CACNA1C: variants seen among roughly 807,000 people sequenced by gnomAD.
CACNA1C encodes voltage-dependent L-type calcium channel subunit alpha-1C.
CACNA1C carries 30 observed loss-of-function variants against 229.0 expected under a neutral mutation model. That is an observed-to-expected ratio of 0.13 (90% CI 0.10 to 0.18). The LOEUF (loss-of-function observed/expected upper bound fraction) is 0.18. Ranked by LOEUF, CACNA1C falls within the 10% of genes least tolerant of loss-of-function variation. The pLI is 1.00. For synonymous variants in CACNA1C, 1,114 were observed against 1,132.5 expected, an observed-to-expected ratio of 0.98 and a Z score of 0.33; for missense variants, 1,658 against 2,845.0, an observed-to-expected ratio of 0.58 and a Z score of 9.49.
intron 3 of CACNA1C, among the ~76,000 whole-genome samples, chr12:2,254,510 T>A (rs2076663586): frequency 6.6e-6 from 1 of 152,212 alleles, no homozygotes; most frequent in South Asian, 2.1e-4. Context: ...TACTCTTGTG[T>A]CCTGTGCACC....
chr12:2,611,205 A>C (rs1218306392), intron 28 of CACNA1C, among the ~76,000 whole-genome samples: 1 of 127,800 alleles, frequency 7.8e-6, no homozygotes, highest in African/African-American at 3.0e-5. Flanking sequence ...GATGAGCTGG[A>C]TGCATTCCTT....
intron 1 of CACNA1C, among the ~76,000 whole-genome samples, chr12:1,980,889 T>C (rs2035937023): frequency 6.6e-6 from 1 of 152,018 alleles, no homozygotes; most frequent in South Asian, 2.1e-4. Context: ...TGAATAAACT[T>C]CTTAAATATC....
rs2032062357 is a variant in CACNA1C, at chr12:1,971,094, C to T, written c.32C>T (p.Pro11Leu). The T allele has an allele frequency of 5.4e-6, 7 of 1,288,828 alleles. No individual in the cohort carries two copies. The highest frequency in any genetic ancestry group is 2.3e-5 in the Admixed American group (1 of 43,536). 79.8% of individuals were successfully genotyped at this position (1,288,828 alleles called of 1,614,324 possible). A position where few individuals can be genotyped will look rare whatever the true frequency, so the allele number is the denominator to read the frequency against. Residue 11 changes from proline to leucine, a missense_variant, in exon 1 of 47, where the codon CCT (proline) becomes CTT (leucine). Pro to Leu is a moderately conservative substitution (Grantham distance 98). Transcript: ENST00000682462. This position sits in a 1 kb window ranked among gnomAD's most constrained non-coding sequence, Gnocchi z 4.2. ...CGAGCCTTTGTTCAGCCTGGTACGC[C>T]TGCATACCAGCCGCTTCCCAGCCAC...
At chr12:2,219,765 T>A (rs1167397929) in intron 3 of CACNA1C, among the ~76,000 whole-genome samples, 1 of 152,118 alleles carries the variant, frequency 6.6e-6, no homozygotes. Context: ...GAACACTGAG[T>A]GCACCCTTAT....
intron 3 of CACNA1C, among the ~76,000 whole-genome samples, chr12:2,397,949 T>C (rs1403268400): frequency 6.6e-6 from 1 of 152,228 alleles, no homozygotes; most frequent in East Asian, 1.9e-4. Context: ...TGAAGTGTGG[T>C]GCCCCAAAGG....
In CACNA1C at chr12:2,593,428, G is replaced by A. The variant is rs2153341293; in HGVS notation, c.2663+83G>A. The stretch of plus-strand genomic sequence containing the variant: ...TTGCCTGTATTTTACCTGAACCTCT[G>A]GATGGAGACTGAGACTCTCCCAGCT... On this transcript the variant is annotated intron_variant, in intron 19 of 46. Coordinates refer to ENST00000399655, the MANE Select transcript of CACNA1C (RefSeq NM_000719.7). 4 of 1,442,602 alleles carry A rather than the reference G, an allele frequency of 2.8e-6. No individual in the cohort carries two copies. In the South Asian group the frequency reaches 4.9e-5, roughly 18 times the overall value. The allele number at this position is 1,442,602 out of a possible 1,614,324, so 89.4% of individuals were successfully genotyped here. A position where few individuals can be genotyped will look rare whatever the true frequency, so the allele number is the denominator to read the frequency against.
At chr12:2,301,909 G>T (rs868024060) in intron 3 of CACNA1C, among the ~76,000 whole-genome samples, 5 of 152,178 alleles carry the variant, frequency 3.3e-5, no homozygotes, top group Non-Finnish European at 7.4e-5. Flanking sequence ...GAGGAGACTC[G>T]TGGGCAGGCT....
chr12:2,085,626 A>G (rs912789347), intron 1 of CACNA1C, among the ~76,000 whole-genome samples: 1 of 151,652 alleles, frequency 6.6e-6, no homozygotes, highest in African/African-American at 2.4e-5. Flanking sequence ...CTCATAATAC[A>G]CCCCTCGGAC....
chr12:2,003,729 C>A (rs895624926), intron 1 of CACNA1C, among the ~76,000 whole-genome samples: 2 of 152,306 alleles, frequency 1.3e-5, no homozygotes, highest in East Asian at 1.9e-4. Flanking sequence ...AAGTGTTAGA[C>A]CCTGCCCCAT....
intron 5 of CACNA1C, among the ~76,000 whole-genome samples, chr12:2,480,897 C>T (rs1045777971): frequency 2.0e-5 from 3 of 152,210 alleles, no homozygotes; most frequent in Non-Finnish European, 4.4e-5. Context: ...TGGAATCTAA[C>T]GTTGGCAATG....
Position 2,607,082 on chromosome 12 carries a change from C to T in CACNA1C, c.3308C>T (p.Ala1103Val). Residue 1103 changes from alanine to valine, a missense_variant, in exon 26 of 47, where the codon GCA (alanine) becomes GTA (valine). Transcript: ENST00000399655. ...AAGTTTGACTTTGACAATGTTCTGG[C>T]AGCCATGATGGCCCTCTTCACCGTC... Reference protein sequence around the residue: ...NSKFDFDNVLAAMMALFTVST... With the variant: ...NSKFDFDNVLVAMMALFTVST... 1 of 1,613,962 alleles carries T rather than the reference C, an allele frequency of 6.2e-7. No homozygotes were observed. Among genetic ancestry groups the T allele is most frequent in the South Asian group, 1.1e-5 (1 of 91,060 alleles).
At chr12:2,028,222 C>T (rs1397966749) in intron 1 of CACNA1C, among the ~76,000 whole-genome samples, 2 of 152,188 alleles carry the variant, frequency 1.3e-5, no homozygotes, top group Admixed American at 6.5e-5. Context: ...GGTTCCAAGA[C>T]AGTGTCTCAG....
chr12:2,004,724 A>G, intron 1 of CACNA1C: 1 of 433,256 alleles, frequency 2.3e-6, no homozygotes, highest in Non-Finnish European at 4.2e-6. Flanking sequence ...CGAGCCTTTG[A>G]GCTGTGTGTG....
chr12:2,439,911 G>T (rs1204942241), intron 3 of CACNA1C, among the ~76,000 whole-genome samples: 1 of 151,884 alleles, frequency 6.6e-6, no homozygotes, highest in African/African-American at 2.4e-5. Context: ...CAGACCGTTC[G>T]GAGCAGCAGG....
chr12:2,421,841 G>T (rs2098982275), intron 3 of CACNA1C, among the ~76,000 whole-genome samples: 1 of 151,926 alleles, frequency 6.6e-6, no homozygotes. Flanking sequence ...AACCTGGGAG[G>T]CAGAGGTTGC....
chr12:2,264,052 G>A (rs570600951), intron 3 of CACNA1C, among the ~76,000 whole-genome samples: 10 of 152,330 alleles, frequency 6.6e-5, no homozygotes, highest in Admixed American at 3.9e-4. Flanking sequence ...GTAGCCTGGG[G>A]TATCCACCCC....
chr12:2,071,799 T>C (rs2061437738), intron 1 of CACNA1C, among the ~76,000 whole-genome samples: 1 of 152,222 alleles, frequency 6.6e-6, no homozygotes, highest in Admixed American at 6.5e-5. Flanking sequence ...AAGTTCTACT[T>C]TTTCAAATAT....
At chr12:2,186,848 G>C (rs565433613) in intron 3 of CACNA1C, among the ~76,000 whole-genome samples, 2 of 152,318 alleles carry the variant, frequency 1.3e-5, no homozygotes, top group South Asian at 2.1e-4. Flanking sequence ...TAAAAGAGCA[G>C]GGGCTCTGCA....
At chr12:2,191,983 C>T (rs541331378) in intron 3 of CACNA1C, among the ~76,000 whole-genome samples, 49 of 152,186 alleles carry the variant, frequency 3.2e-4, no homozygotes, top group Admixed American at 5.9e-4. Flanking sequence ...CACGTGTACA[C>T]GCACGCACAC....
Sources: gnomAD v4.1 joint callset for allele counts (sites outside exome capture counted in the v4.1 genomes callset) on GRCh38, gnomAD v4.1.1 for gene constraint, Gnocchi (gnomAD v3.1) non-coding constraint, MANE v1.5 for transcripts, NCBI Gene and HGNC (gene_info 2026-07-23, HGNC 2026-07-21) for gene names.